Variants in CHM observed in about 807,000 individuals in gnomAD.
The protein encoded by CHM is CHM Rab escort protein, also known as rab proteins geranylgeranyltransferase component A 1.
A neutral mutation model predicts 49.0 loss-of-function variants in CHM; 10 were observed. The observed-to-expected ratio is 0.20, with a 90% confidence interval of 0.13 to 0.35. The LOEUF (loss-of-function observed/expected upper bound fraction) is 0.35, where lower values mean the gene tolerates loss of function less well. Among genes scored for constraint, CHM ranks in the 10% least tolerant of loss-of-function variants. CHM has a pLI of 1.00. For synonymous variants in CHM, 184 were observed against 167.5 expected, an observed-to-expected ratio of 1.10 and a Z score of -0.76; for missense variants, 455 against 478.4, an observed-to-expected ratio of 0.95 and a Z score of 0.46.
At chrX:86,032,319 G>A (rs1934073636) in intron 1 of CHM, among the ~76,000 whole-genome samples, 1 of 111,986 alleles carries the variant, frequency 8.9e-6, no homozygotes, top group African/African-American at 3.2e-5. Flanking sequence ...GTTTTCAACT[G>A]TAAGATGAGG....
At chrX:85,975,712 T>C (rs1569234491) in intron 4 of CHM, among the ~76,000 whole-genome samples, 1 of 112,283 alleles carries the variant, frequency 8.9e-6, no homozygotes, top group Admixed American at 9.4e-5. Flanking sequence ...TAGGGGTCCT[T>C]GTGGTGATAG....
At chrX:85,913,752 A>C (rs1927275292) in intron 8 of CHM, among the ~76,000 whole-genome samples, 2 of 111,307 alleles carry the variant, frequency 1.8e-5, no homozygotes, top group South Asian at 7.6e-4. Flanking sequence ...TGGCATTACA[A>C]AACAGTGGGG....
At chrX:86,039,970 C>G (rs770569636) in intron 1 of CHM, among the ~76,000 whole-genome samples, 1 of 111,954 alleles carries the variant, frequency 8.9e-6, no homozygotes, top group Admixed American at 9.4e-5. Flanking sequence ...GCAATAAGAT[C>G]CCCTACATTT....
At chrX:85,914,148 A>G (rs1927311067) in intron 8 of CHM, among the ~76,000 whole-genome samples, 1 of 111,091 alleles carries the variant, frequency 9.0e-6, no homozygotes, top group African/African-American at 3.3e-5. Flanking sequence ...AATTGCTCGG[A>G]GAGTTGGTAG....
intron 2 of CHM, among the ~76,000 whole-genome samples, chrX:85,983,983 C>A (rs1205482395): frequency 1.8e-5 from 2 of 110,514 alleles, no homozygotes; most frequent in Non-Finnish European, 3.8e-5. Context: ...GGGCGGATCA[C>A]CTGAGGTGAG....
At chrX:85,874,701 G>GCTAAGATCTACGAGTCAT (rs1924312359) in intron 13 of CHM, among the ~76,000 whole-genome samples, 1 of 111,620 alleles carries the variant, frequency 9.0e-6, no homozygotes, top group African/African-American at 3.2e-5. Context: ...CCTTTCTGGT[G>GCTAAGATCTACGAGTCAT]CTAAGATCTA....
At chrX:85,896,647 T>A (rs1296351117) in intron 11 of CHM, among the ~76,000 whole-genome samples, 2 of 107,275 alleles carry the variant, frequency 1.9e-5, no homozygotes, top group African/African-American at 6.8e-5. Flanking sequence ...ATCTAGTGAG[T>A]ATGCCCAAAG....
intron 2 of CHM, among the ~76,000 whole-genome samples, chrX:85,982,656 A>T (rs1931693307): frequency 9.0e-6 from 1 of 110,519 alleles, no homozygotes; most frequent in African/African-American, 3.3e-5. Context: ...GCACTTACTG[A>T]CTCTGTATGA....
At chrX:85,870,700 T>C (rs1209485691) in intron 14 of CHM, among the ~76,000 whole-genome samples, 1 of 111,429 alleles carries the variant, frequency 9.0e-6, no homozygotes, top group Non-Finnish European at 1.9e-5. Flanking sequence ...AAGAGATATA[T>C]CAGATGTCAG....
chrX:86,040,319 T>A (rs757265059), intron 1 of CHM, among the ~76,000 whole-genome samples: 4 of 111,967 alleles, frequency 3.6e-5, no homozygotes, highest in African/African-American at 1.3e-4. Flanking sequence ...CAACTGCACA[T>A]CCCCTCTTGT....
intron 2 of CHM, among the ~76,000 whole-genome samples, chrX:85,999,321 C>T (rs1347934759): frequency 9.0e-6 from 1 of 111,428 alleles, no homozygotes; most frequent in Non-Finnish European, 1.9e-5. Context: ...GGACCCATGA[C>T]ATAAATTCAC....
intron 11 of CHM, 31 bp downstream of exon 11, chrX:85,900,615 T>C: frequency 1.1e-6 from 1 of 944,093 alleles, no homozygotes. Context: ...TATATACAAC[T>C]TTTATTAAAA....
intron 1 of CHM, among the ~76,000 whole-genome samples, chrX:86,033,048 C>T (rs1451495921): frequency 9.0e-6 from 1 of 111,420 alleles, no homozygotes. Flanking sequence ...AGATATTTTA[C>T]AGAGATAAAA....
intron 4 of CHM, chrX:85,969,266 T>C (rs1930752004): frequency 1.4e-6 from 1 of 729,331 alleles, no homozygotes; most frequent in Non-Finnish European, 1.6e-6. Flanking sequence ...GTTAATATTT[T>C]AGAAAGATAA....
At chrX:85,914,989 T>C (rs1273383809) in intron 8 of CHM, among the ~76,000 whole-genome samples, 1 of 108,840 alleles carries the variant, frequency 9.2e-6, no homozygotes, top group Non-Finnish European at 1.9e-5. Flanking sequence ...GCCAATGAAA[T>C]AAACCCAACT....
At chrX:85,912,662 G>T (rs1317812963) in intron 8 of CHM, among the ~76,000 whole-genome samples, 2 of 111,389 alleles carry the variant, frequency 1.8e-5, no homozygotes, top group East Asian at 5.7e-4. Context: ...TTAATGCACT[G>T]ATCTTGAGAC....
chrX:85,921,447 A>G (rs1431965299), intron 8 of CHM, among the ~76,000 whole-genome samples: 1 of 112,103 alleles, frequency 8.9e-6, no homozygotes, highest in Non-Finnish European at 1.9e-5. Flanking sequence ...GAGGCAAGCA[A>G]GTATAAATTT....
At chrX:86,041,699 T>C (rs1022130684) in intron 1 of CHM, among the ~76,000 whole-genome samples, 333 of 96,036 alleles carry the variant, frequency 3.5e-3, no homozygotes, top group African/African-American at 0.011. Flanking sequence ...TGTATATATA[T>C]ATATATGTTA....
intron 2 of CHM, among the ~76,000 whole-genome samples, chrX:86,008,535 T>G (rs1334594989): frequency 8.9e-6 from 1 of 112,083 alleles, no homozygotes; most frequent in African/African-American, 3.2e-5. Flanking sequence ...AAAAGTAGTA[T>G]TTTAATAAAT....
Sources: gnomAD v4.1 joint callset for allele counts (sites outside exome capture counted in the v4.1 genomes callset) on GRCh38, gnomAD v4.1.1 for gene constraint, MANE v1.5 for transcripts, NCBI Gene and HGNC (gene_info 2026-07-23, HGNC 2026-07-21) for gene names.